The following NEDD9 variants were observed in gnomAD, a reference collection of about 807,000 sequenced individuals.
NEDD9 encodes the protein neural precursor cell expressed, developmentally down-regulated 9.
In NEDD9, 26 loss-of-function variants were observed where a neutral mutation model predicts 76.6. That is an observed-to-expected ratio of 0.34 (90% CI 0.25 to 0.47). NEDD9 has a LOEUF of 0.47. NEDD9 is among the 20% of genes least tolerant of loss of function. The pLI, the probability that NEDD9 is intolerant of heterozygous loss-of-function variation, is 1.00. For missense variants in NEDD9, 937 were observed against 1,058.5 expected (o/e 0.89, Z 1.59); for synonymous variants, 392 against 414.2 (o/e 0.95, Z 0.65).
intron 1 of NEDD9, among the ~76,000 whole-genome samples, chr6:11,366,311 G>GGAAGGAAGGAAGGAAGGAAGGAA (rs1561849023): frequency 2.1e-5 from 3 of 143,602 alleles, no homozygotes; most frequent in Middle Eastern, 3.6e-3. Flanking sequence ...AAGAAAGAAA[G>GGAAGGAAGGAAGGAAGGAAGGAA]AGAAAGAAAG....
chr6:11,290,485 A>C (rs1306780754), intron 3 of NEDD9, among the ~76,000 whole-genome samples: 3 of 152,118 alleles, frequency 2.0e-5, no homozygotes, highest in African/African-American at 7.2e-5. Flanking sequence ...CATTTCCCAT[A>C]ATTACGGTTG....
intron 3 of NEDD9, among the ~76,000 whole-genome samples, chr6:11,294,993 A>G (rs1760857948): frequency 6.6e-6 from 1 of 152,226 alleles, no homozygotes; most frequent in African/African-American, 2.4e-5. Context: ...GTTCCACTAC[A>G]CAAGCTCTCT....
intron 3 of NEDD9, among the ~76,000 whole-genome samples, chr6:11,267,594 T>C (rs898893384): frequency 6.6e-6 from 1 of 152,174 alleles, no homozygotes; most frequent in African/African-American, 2.4e-5. Context: ...ATATGCTGAT[T>C]GCTGCATATA....
intron 1 of NEDD9, among the ~76,000 whole-genome samples, chr6:11,355,534 G>T (rs141041801): frequency 6.6e-6 from 1 of 152,056 alleles, no homozygotes; most frequent in Non-Finnish European, 1.5e-5. Flanking sequence ...AAAACTGAAC[G>T]CTCTAATTTC....
intron 2 of NEDD9, among the ~76,000 whole-genome samples, chr6:11,318,291 T>C (rs936262437): frequency 6.6e-6 from 1 of 152,122 alleles, no homozygotes; most frequent in Non-Finnish European, 1.5e-5. Context: ...GTGTATCTTA[T>C]TGGTTCTGAG....
At chr6:11,296,625 TCTTCCTTC>T (rs199739663) in intron 3 of NEDD9, among the ~76,000 whole-genome samples, 16 of 147,912 alleles carry the variant, frequency 1.1e-4, no homozygotes, top group African/African-American at 4.0e-4. Flanking sequence ...TTCCTTTCTT[TCTTCCTTC>T]CTTCCTTCCT....
At chr6:11,297,132 GTT>G (rs199939249) in intron 3 of NEDD9, among the ~76,000 whole-genome samples, 3 of 129,272 alleles carry the variant, frequency 2.3e-5, no homozygotes, top group Admixed American at 7.8e-5. Context: ...AATTTGTTTT[GTT>G]TTTTTTTTTT....
In NEDD9 at chr6:11,192,451, A is replaced by C; in HGVS notation, c.562-5T>G. 1 of 1,605,832 alleles carries C rather than the reference A, an allele frequency of 6.2e-7. No individual in the cohort carries two copies. Among genetic ancestry groups the C allele is most frequent in the African/African-American group, 1.3e-5 (1 of 74,748 alleles). On this transcript the variant is annotated splice_region_variant and splice_polypyrimidine_tract_variant and intron_variant, in intron 3 of 6. Transcript: ENST00000379446. ...TGAGGGAGGGATGTCGTATACCTGAAGAGAAACCCGTGAGTTACCCAGAAT... is the reference window on the plus strand; with the variant it reads ...TGAGGGAGGGATGTCGTATACCTGACGAGAAACCCGTGAGTTACCCAGAAT...
At chr6:11,312,553 T>C (rs1180554448) in intron 2 of NEDD9, among the ~76,000 whole-genome samples, 1 of 152,144 alleles carries the variant, frequency 6.6e-6, no homozygotes, top group Non-Finnish European at 1.5e-5. Flanking sequence ...CCAGAGCTGA[T>C]GTCTCTAAAA....
At chr6:11,306,812 A>G (rs1761197503) in intron 2 of NEDD9, among the ~76,000 whole-genome samples, 1 of 152,204 alleles carries the variant, frequency 6.6e-6, no homozygotes, top group Non-Finnish European at 1.5e-5. Flanking sequence ...TGGCTTTTAA[A>G]TAGCTTAGAT....
At chr6:11,258,382 T>A (rs1206240953) in intron 3 of NEDD9, 3 of 152,212 alleles carry the variant, frequency 2.0e-5, no homozygotes, top group Non-Finnish European at 4.4e-5. Flanking sequence ...CTTCTCTGAA[T>A]TTTGCTTAGA....
intron 1 of NEDD9, among the ~76,000 whole-genome samples, chr6:11,367,782 G>A (rs967617631): frequency 2.0e-5 from 3 of 152,198 alleles, no homozygotes; most frequent in Non-Finnish European, 4.4e-5. Flanking sequence ...AGGATTCCAG[G>A]AGTGAATGGC....
intron 2 of NEDD9, among the ~76,000 whole-genome samples, chr6:11,209,460 A>G (rs745950645): frequency 6.6e-6 from 1 of 152,232 alleles, no homozygotes; most frequent in Non-Finnish European, 1.5e-5. Flanking sequence ...AACACAGCAT[A>G]TGTGTTAGCA....
intron 1 of NEDD9, among the ~76,000 whole-genome samples, chr6:11,361,920 T>C (rs1762687359): frequency 6.6e-6 from 1 of 151,978 alleles, no homozygotes. Flanking sequence ...AAAGAAGAAA[T>C]TAGTCTGAGC....
upstream of NEDD9, among the ~76,000 whole-genome samples, chr6:11,236,314 C>A (rs190611177): frequency 1.3e-5 from 2 of 152,310 alleles, no homozygotes; most frequent in Admixed American, 6.5e-5. This position sits in a 1 kb window ranked among gnomAD's most constrained non-coding sequence, Gnocchi z 5.5. Flanking sequence ...GCTCTTCAAC[C>A]AAGCACTCTT....
intron 1 of NEDD9, among the ~76,000 whole-genome samples, chr6:11,349,798 G>A (rs1762430600): frequency 6.6e-6 from 1 of 152,142 alleles, no homozygotes; most frequent in Non-Finnish European, 1.5e-5. Context: ...AGGGAGAGGA[G>A]CAGAAAAAAC....
intron 1 of NEDD9, among the ~76,000 whole-genome samples, chr6:11,372,140 C>G (rs73366868): frequency 0.025 from 3,733 of 151,724 alleles, 110 homozygotes; most frequent in African/African-American, 0.08. Flanking sequence ...TAATCCCCCC[C>G]ACCCACAACG....
chr6:11,313,214 TGATG>T (rs149380871), intron 2 of NEDD9, among the ~76,000 whole-genome samples: 10,516 of 151,834 alleles, frequency 0.069, 389 homozygotes, highest in Middle Eastern at 0.12. Flanking sequence ...GGTAGATATA[TGATG>T]GATGGATGGA....
intron 1 of NEDD9, among the ~76,000 whole-genome samples, chr6:11,338,371 C>T (rs976596391): frequency 6.6e-6 from 1 of 152,188 alleles, no homozygotes; most frequent in African/African-American, 2.4e-5. Context: ...ATCCTCCTGA[C>T]ACCCTTGATC....
Sources: gnomAD v4.1 joint callset for allele counts (sites outside exome capture counted in the v4.1 genomes callset) on GRCh38, gnomAD v4.1.1 for gene constraint, Gnocchi (gnomAD v3.1) non-coding constraint, MANE v1.5 for transcripts, NCBI Gene and HGNC (gene_info 2026-07-23, HGNC 2026-07-21) for gene names.